Variants in RALGPS2 observed in about 807,000 individuals in gnomAD.
RALGPS2 encodes the protein ras-specific guanine nucleotide-releasing factor RalGPS2.
RALGPS2 carries 43 observed loss-of-function variants against 86.8 expected under a neutral mutation model. The ratio of observed to expected loss-of-function variants is 0.50; its 90% confidence interval spans 0.39 to 0.64. The LOEUF (loss-of-function observed/expected upper bound fraction) is 0.64, where lower values mean the gene tolerates loss of function less well. RALGPS2 is among the 30% of genes least tolerant of loss of function. The pLI, the probability that RALGPS2 is intolerant of heterozygous loss-of-function variation, is 0.00. For synonymous variants in RALGPS2, 243 were observed against 231.3 expected, an observed-to-expected ratio of 1.05 and a Z score of -0.46; for missense variants, 536 against 694.6, an observed-to-expected ratio of 0.77 and a Z score of 2.57.
intron 4 of RALGPS2, among the ~76,000 whole-genome samples, chr1:178,786,498 C>T (rs1226607670): frequency 7.2e-5 from 11 of 151,962 alleles, no homozygotes; most frequent in Non-Finnish European, 7.4e-5. Context: ...CATCTATCCA[C>T]TATAAGCATG....
intron 1 of RALGPS2, among the ~76,000 whole-genome samples, chr1:178,754,222 A>T (rs6671195): frequency 0.043 from 6,438 of 150,948 alleles, 482 homozygotes; most frequent in African/African-American, 0.15. Context: ...TAGGATGTGT[A>T]TATATATTTT....
intron 6 of RALGPS2, among the ~76,000 whole-genome samples, chr1:178,821,114 G>C (rs2102224355): frequency 6.6e-6 from 1 of 152,292 alleles, no homozygotes; most frequent in East Asian, 1.9e-4. Flanking sequence ...TGGGGATTTG[G>C]GTAGGAGGAA....
At chr1:178,751,730 C>T (rs529938251) in intron 1 of RALGPS2, among the ~76,000 whole-genome samples, 1 of 152,214 alleles carries the variant, frequency 6.6e-6, no homozygotes, top group Admixed American at 6.5e-5. Flanking sequence ...AGACCTAGTA[C>T]TCTCAGTTCT....
chr1:178,827,608 G>A (rs1655810925), intron 7 of RALGPS2, among the ~76,000 whole-genome samples: 1 of 151,800 alleles, frequency 6.6e-6, no homozygotes, highest in Non-Finnish European at 1.5e-5. Flanking sequence ...TTTTAGCCGG[G>A]ATGGTCTCGA....
At chr1:178,891,820 AT>A (rs1173321585) in intron 14 of RALGPS2, among the ~76,000 whole-genome samples, 2 of 152,088 alleles carry the variant, frequency 1.3e-5, no homozygotes, top group African/African-American at 4.8e-5. Flanking sequence ...GGGACATATA[AT>A]AAAAATGAAT....
chr1:178,779,753 G>A (rs976393399), intron 2 of RALGPS2, among the ~76,000 whole-genome samples: 1 of 152,192 alleles, frequency 6.6e-6, no homozygotes, highest in Admixed American at 6.5e-5. Flanking sequence ...TGGGGTTTGA[G>A]ACAGAGTTTT....
intron 8 of RALGPS2, among the ~76,000 whole-genome samples, chr1:178,860,987 T>C (rs967558248): frequency 1.3e-5 from 2 of 152,110 alleles, no homozygotes; most frequent in African/African-American, 4.8e-5. Context: ...TTGTTGCTTG[T>C]AGTAATTTAA....
intron 8 of RALGPS2, among the ~76,000 whole-genome samples, chr1:178,866,832 C>T (rs1426453994): frequency 6.6e-6 from 1 of 152,152 alleles, no homozygotes; most frequent in African/African-American, 2.4e-5. Flanking sequence ...TTTGCTGTAG[C>T]AGATGAGAAA....
At chr1:178,897,399 AGAGTT>A (rs1220768231) in intron 16 of RALGPS2, among the ~76,000 whole-genome samples, 15 of 152,176 alleles carry the variant, frequency 9.9e-5, no homozygotes, top group Middle Eastern at 3.4e-3. Context: ...GCATAAAAAG[AGAGTT>A]GAGTTTGCCT....
intron 1 of RALGPS2, among the ~76,000 whole-genome samples, chr1:178,733,367 A>G (rs1229737282): frequency 6.6e-6 from 1 of 152,250 alleles, no homozygotes; most frequent in East Asian, 1.9e-4. Flanking sequence ...TATGCAAACC[A>G]ATGCAAAAGA....
chr1:178,848,681 C>A (rs941012156), intron 8 of RALGPS2, among the ~76,000 whole-genome samples: 2 of 152,148 alleles, frequency 1.3e-5, no homozygotes, highest in South Asian at 4.1e-4. Context: ...GAGAAAGAGT[C>A]TAACTCTGTC....
At chr1:178,806,591 A>G (rs1444277914) in intron 4 of RALGPS2, among the ~76,000 whole-genome samples, 1 of 151,974 alleles carries the variant, frequency 6.6e-6, no homozygotes, top group Non-Finnish European at 1.5e-5. Flanking sequence ...CTGACTTTCA[A>G]ATTTCTCTTA....
chr1:178,769,080 A>C (rs1652655032), intron 1 of RALGPS2, among the ~76,000 whole-genome samples: 1 of 151,124 alleles, frequency 6.6e-6, no homozygotes, highest in Non-Finnish European at 1.5e-5. Flanking sequence ...ATCTCTGCAC[A>C]GGAAAGGTGG....
At chr1:178,754,037 T>C (rs1651824245) in intron 1 of RALGPS2, among the ~76,000 whole-genome samples, 1 of 151,984 alleles carries the variant, frequency 6.6e-6, no homozygotes, top group Non-Finnish European at 1.5e-5. Context: ...TTAGCCAGTA[T>C]GGTCTTGATA....
intron 19 of RALGPS2, among the ~76,000 whole-genome samples, chr1:178,909,712 C>T (rs12125206): frequency 0.043 from 5,816 of 135,856 alleles, 131 homozygotes; most frequent in Middle Eastern, 0.058. Context: ...TGCAGTGGCG[C>T]GGTCTCGGCT....
chr1:178,914,993 T>C (rs1386060576), intron 19 of RALGPS2, among the ~76,000 whole-genome samples: 1 of 152,116 alleles, frequency 6.6e-6, no homozygotes, highest in African/African-American at 2.4e-5. Flanking sequence ...AGACAATATA[T>C]ACATATACCA....
At position 178,918,946 on chromosome 1, in the gene RALGPS2, G is replaced by T. The variant is rs1170312345; in HGVS notation, c.*2587G>T. On this transcript the variant is annotated 3_prime_UTR_variant, in exon 20 of 20. Coordinates refer to ENST00000367635, the MANE Select transcript of RALGPS2 (RefSeq NM_152663.5). ...ACTCAAAAACTCAAAATGTTCATCA[G>T]CATTCAGGTCATTTGTTTCACCCTT... 6.6e-6 allele frequency: 1 copy of T among 152,002 alleles called. No homozygotes were observed. Among genetic ancestry groups the T allele is most frequent in the Non-Finnish European group, 1.5e-5 (1 of 67,918 alleles). 9.4% of individuals were successfully genotyped at this position (152,002 alleles called of 1,614,324 possible). A position where few individuals can be genotyped will look rare whatever the true frequency, so the allele number is the denominator to read the frequency against.
intron 5 of RALGPS2, among the ~76,000 whole-genome samples, chr1:178,810,335 C>T (rs750098311): frequency 5.3e-5 from 8 of 152,020 alleles, no homozygotes; most frequent in African/African-American, 1.5e-4. Flanking sequence ...TGCAGTTAGC[C>T]GAGATCACCC....
intron 7 of RALGPS2, among the ~76,000 whole-genome samples, chr1:178,824,740 C>T (rs563699145): frequency 8.6e-5 from 13 of 151,838 alleles, no homozygotes; most frequent in African/African-American, 3.1e-4. Flanking sequence ...ACCCAGGAGG[C>T]GGAGCTTGCA....
Sources: allele counts gnomAD v4.1 joint callset (sites outside exome capture counted in the v4.1 genomes callset), GRCh38; gene constraint gnomAD v4.1.1; transcripts MANE v1.5; gene names NCBI Gene and HGNC (gene_info 2026-07-23, HGNC 2026-07-21).